TMEM45A: variants seen among roughly 807,000 people sequenced by gnomAD.
The protein encoded by TMEM45A is DNA polymerase-transactivated protein 4.
A neutral mutation model predicts 32.0 loss-of-function variants in TMEM45A; 25 were observed. The ratio of observed to expected loss-of-function variants is 0.78; its 90% CI spans 0.57 to 1.09. TMEM45A has a LOEUF of 1.09. Among genes scored for constraint, TMEM45A ranks in the 50% least tolerant of loss-of-function variants. The pLI is 0.00. For synonymous variants in TMEM45A, 122 were observed against 114.8 expected, an observed-to-expected ratio of 1.06 and a Z score of -0.40; for missense variants, 302 against 325.0, an observed-to-expected ratio of 0.93 and a Z score of 0.54.
At chr3:100,551,297 G>A (rs1214540066) in intron 1 of TMEM45A, among the ~76,000 whole-genome samples, 3 of 152,192 alleles carry the variant, frequency 2.0e-5, no homozygotes, top group African/African-American at 7.2e-5. Flanking sequence ...ACAGGCTTGA[G>A]CCACTGCGCC....
chr3:100,530,573 A>C (rs1400697901), intron 1 of TMEM45A, among the ~76,000 whole-genome samples: 1 of 152,226 alleles, frequency 6.6e-6, no homozygotes, highest in Non-Finnish European at 1.5e-5. Context: ...TTTTAACCAA[A>C]TTGACACATA....
intron 1 of TMEM45A, among the ~76,000 whole-genome samples, chr3:100,518,327 T>C (rs374380368): frequency 2.0e-4 from 31 of 152,332 alleles, no homozygotes; most frequent in African/African-American, 6.7e-4. Context: ...ATGAAACTGC[T>C]GTCCATACTC....
intron 1 of TMEM45A, among the ~76,000 whole-genome samples, chr3:100,525,007 A>C (rs1705513104): frequency 6.6e-6 from 1 of 152,114 alleles, no homozygotes; most frequent in Non-Finnish European, 1.5e-5. Context: ...TGGGCAACAT[A>C]GTGAGACCTT....
intron 1 of TMEM45A, among the ~76,000 whole-genome samples, chr3:100,509,232 G>A (rs1708120414): frequency 6.6e-6 from 1 of 152,060 alleles, no homozygotes; most frequent in African/African-American, 2.4e-5. Flanking sequence ...ACCACAATGA[G>A]ATATTATCTC....
intron 1 of TMEM45A, among the ~76,000 whole-genome samples, chr3:100,535,919 A>C (rs1163705760): frequency 1.3e-5 from 2 of 152,214 alleles, no homozygotes; most frequent in Non-Finnish European, 2.9e-5. Flanking sequence ...AGTTTGTTAC[A>C]TTCTTTTTTC....
chr3:100,574,300 A>G (rs1484358751), intron 5 of TMEM45A: 2 of 152,062 alleles, frequency 1.3e-5, no homozygotes, highest in African/African-American at 4.8e-5. Context: ...AGACGCAATA[A>G]AAAATGATAA....
chr3:100,500,932 T>C (rs752802111), intron 1 of TMEM45A, among the ~76,000 whole-genome samples: 2 of 152,226 alleles, frequency 1.3e-5, no homozygotes, highest in Non-Finnish European at 2.9e-5. Flanking sequence ...TTTTAGTAGA[T>C]GAGAAAATTG....
At chr3:100,565,780 A>G (rs763905269) in intron 4 of TMEM45A, among the ~76,000 whole-genome samples, 9 of 152,184 alleles carry the variant, frequency 5.9e-5, no homozygotes, top group Non-Finnish European at 1.3e-4. Flanking sequence ...TTGGGATAAA[A>G]CTTTCCTAAC....
intron 1 of TMEM45A, among the ~76,000 whole-genome samples, chr3:100,505,406 A>G (rs1009256335): frequency 7.5e-6 from 1 of 132,998 alleles, no homozygotes; most frequent in Admixed American, 8.0e-5. Flanking sequence ...TTGGACTTTC[A>G]GAAGAAGATT....
chr3:100,511,114 T>C (rs1708153025), intron 1 of TMEM45A, among the ~76,000 whole-genome samples: 1 of 151,904 alleles, frequency 6.6e-6, no homozygotes, highest in South Asian at 2.1e-4. Flanking sequence ...ATTCAGGAAA[T>C]ACAGAGAATG....
At chr3:100,497,922 AT>A (rs928732267) in intron 1 of TMEM45A, among the ~76,000 whole-genome samples, 4 of 152,164 alleles carry the variant, frequency 2.6e-5, no homozygotes, top group Non-Finnish European at 5.9e-5. Context: ...CTTTGAAGAT[AT>A]TTTTTAGTTG....
chr3:100,494,373 C>T (rs1391468523), intron 1 of TMEM45A, among the ~76,000 whole-genome samples: 1 of 152,130 alleles, frequency 6.6e-6, no homozygotes, highest in East Asian at 1.9e-4. Context: ...CCTGTAATCC[C>T]AGCACTTTGG....
Position 100,577,232 on chromosome 3 carries a change from A to G in TMEM45A, c.*214A>G. 1 of 444,418 alleles carries G rather than the reference A, an allele frequency of 2.3e-6. No individual in the cohort carries two copies. Among genetic ancestry groups the G allele is most frequent in the Non-Finnish European group, 4.0e-6 (1 of 250,966 alleles). The allele number at this position is 444,418 out of a possible 1,614,324, so 27.5% of individuals were successfully genotyped here. A position where few individuals can be genotyped will look rare whatever the true frequency, so the allele number is the denominator to read the frequency against. On this transcript the variant is annotated 3_prime_UTR_variant, in exon 6 of 6. Transcript: ENST00000323523. The stretch of plus-strand genomic sequence containing the variant: ...GATACTTTCATTTTGCACATCATGC[A>G]CATCATGGTATTCAGGGGCTAGAGT...
At chr3:100,524,360 T>G (rs1396850989) in intron 1 of TMEM45A, among the ~76,000 whole-genome samples, 1 of 152,260 alleles carries the variant, frequency 6.6e-6, no homozygotes, top group Non-Finnish European at 1.5e-5. Context: ...TTTATTGTTG[T>G]ATGAAAGAAT....
chr3:100,515,808 TAG>T (rs1708253251), intron 1 of TMEM45A, among the ~76,000 whole-genome samples: 1 of 151,880 alleles, frequency 6.6e-6, no homozygotes, highest in Non-Finnish European at 1.5e-5. Flanking sequence ...CTCAGGAAAG[TAG>T]AGAGTAGAAT....
chr3:100,508,986 A>C (rs1347047211), intron 1 of TMEM45A, among the ~76,000 whole-genome samples: 1 of 152,248 alleles, frequency 6.6e-6, no homozygotes, highest in Non-Finnish European at 1.5e-5. Flanking sequence ...ATTAAACTAG[A>C]AAGCTTCTGT....
chr3:100,548,861 C>G (rs1706032535), intron 1 of TMEM45A, among the ~76,000 whole-genome samples: 1 of 152,178 alleles, frequency 6.6e-6, no homozygotes, highest in African/African-American at 2.4e-5. Flanking sequence ...CAGCAGTTTT[C>G]TTTCATCATT....
intron 1 of TMEM45A, among the ~76,000 whole-genome samples, chr3:100,506,132 G>A (rs1020636157): frequency 1.3e-5 from 2 of 152,198 alleles, no homozygotes; most frequent in African/African-American, 4.8e-5. Flanking sequence ...ACCAAAGGCT[G>A]GGAATATTGC....
intron 1 of TMEM45A, among the ~76,000 whole-genome samples, chr3:100,535,497 C>T (rs759615835): frequency 3.3e-5 from 5 of 152,154 alleles, no homozygotes; most frequent in Non-Finnish European, 5.9e-5. Context: ...TGGCTTCAGA[C>T]TCTGCTTTTG....
Sources: allele counts gnomAD v4.1 joint callset (sites outside exome capture counted in the v4.1 genomes callset), GRCh38; gene constraint gnomAD v4.1.1; transcripts MANE v1.5; gene names NCBI Gene and HGNC (gene_info 2026-07-23, HGNC 2026-07-21).